CEP128: variants seen among roughly 807,000 people sequenced by gnomAD.
CEP128 encodes the protein centrosomal protein 128kDa.
Under a neutral mutation model 156.7 loss-of-function variants are expected in CEP128, and 132 were observed. The ratio of observed to expected loss-of-function variants is 0.84; its 90% confidence interval spans 0.73 to 0.97. CEP128 has a LOEUF of 0.97. Among genes scored for constraint, CEP128 ranks in the 50% least tolerant of loss-of-function variants. The probability of loss-of-function intolerance (pLI) is 0.00; values close to 1 mark genes in which losing one functional copy is unlikely to be tolerated. For synonymous variants in CEP128, 469 were observed against 448.9 expected, an observed-to-expected ratio of 1.04 and a Z score of -0.57; for missense variants, 1,252 against 1,281.9, an observed-to-expected ratio of 0.98 and a Z score of 0.36.
At chr14:80,782,557 A>G (rs1200654397) in intron 15 of CEP128, among the ~76,000 whole-genome samples, 1 of 152,060 alleles carries the variant, frequency 6.6e-6, no homozygotes, top group East Asian at 1.9e-4. Flanking sequence ...GTCCTATTCT[A>G]CTTCAGAGAG....
At chr14:80,955,336 G>A (rs1594883340) in intron 2 of CEP128, 2 of 465,084 alleles carry the variant, frequency 4.3e-6, no homozygotes, top group East Asian at 7.9e-5. Flanking sequence ...GAACTAATGG[G>A]AGGGGCGCCC....
chr14:80,780,402 AG>A lies in CEP128; in HGVS notation c.2212-2357del, dbSNP rs35262562. Among the ~76,000 whole-genome samples, 402 of 152,258 alleles carry A rather than the reference AG, an allele frequency of 2.6e-3. 3 individuals are homozygous for A. Among genetic ancestry groups the A allele is most frequent in the African/African-American group, 9.1e-3 (379 of 41,540 alleles). ...GGCATGAAGTGGTGATTTTTCCTTAAGGGTAAATTGTTTGGTTTCACAGGAA... is the reference window on the plus strand; with the variant it reads ...GGCATGAAGTGGTGATTTTTCCTTAAGGTAAATTGTTTGGTTTCACAGGAA... On this transcript the variant is annotated intron_variant, in intron 15 of 24. Coordinates refer to ENST00000555265, the MANE Select transcript of CEP128 (RefSeq NM_152446.5).
intron 4 of CEP128, 98 bp from the exon 5 acceptor site, chr14:80,906,179 G>T: frequency 1.1e-6 from 1 of 926,788 alleles, no homozygotes; most frequent in Non-Finnish European, 1.5e-6. Context: ...TGAAATATCT[G>T]GGTTCCCCCC....
chr14:80,825,736 A>G (rs1163169537), intron 13 of CEP128, among the ~76,000 whole-genome samples: 1 of 152,194 alleles, frequency 6.6e-6, no homozygotes, highest in Non-Finnish European at 1.5e-5. Context: ...TCATTTTTTC[A>G]TACAGATGAA....
intron 19 of CEP128, among the ~76,000 whole-genome samples, chr14:80,634,085 T>A (rs1894078520): frequency 1.3e-5 from 2 of 152,158 alleles, no homozygotes; most frequent in East Asian, 3.8e-4. Context: ...TCACTAGGGA[T>A]CCTGCCTGCT....
At chr14:80,562,655 C>CTTTTTTTTTTTTTT (rs1170778718) in intron 20 of CEP128, among the ~76,000 whole-genome samples, 5 of 114,384 alleles carry the variant, frequency 4.4e-5, no homozygotes, top group African/African-American at 1.3e-4. Flanking sequence ...CTTTTCTTTT[C>CTTTTTTTTTTTTTT]TTTTTTTTTT....
At chr14:80,817,803 C>T (rs989321598) in intron 13 of CEP128, among the ~76,000 whole-genome samples, 1 of 151,816 alleles carries the variant, frequency 6.6e-6, no homozygotes, top group Admixed American at 6.6e-5. Context: ...ATCACTTGAA[C>T]CTGGGAGGCG....
intron 14 of CEP128, among the ~76,000 whole-genome samples, chr14:80,791,090 A>C (rs1901682478): frequency 6.6e-6 from 1 of 152,198 alleles, no homozygotes; most frequent in African/African-American, 2.4e-5. Flanking sequence ...ATCCCTTTGA[A>C]ATAATATTCA....
Position 80,526,898 on chromosome 14 carries a change from C to T in CEP128, c.3043G>A (p.Asp1015Asn), listed in dbSNP as rs1888994925. The change falls in exon 23 of 25, where the codon GAC becomes AAC. Residue 1015 changes from aspartate (D) to asparagine (N), a missense_variant. Physicochemically the swap from Asp to Asn is conservative, Grantham distance 23. Coordinates refer to ENST00000555265, the MANE Select transcript of CEP128 (RefSeq NM_152446.5). ...RRNSLQHHQD[D>N]TKYRTKSFKG... ...AAACTTTTGGTTCTGTACTTGGTGTCATCTTGGTGATGCTGAAGAGAATTT... is the reference window on the plus strand; with the variant it reads ...AAACTTTTGGTTCTGTACTTGGTGTTATCTTGGTGATGCTGAAGAGAATTT... The T allele has an allele frequency of 1.9e-6, 3 of 1,608,632 alleles. No homozygotes were observed. Among genetic ancestry groups the T allele is most frequent in the Admixed American group, 3.3e-5 (2 of 59,868 alleles).
chr14:80,531,001 T>C, intron 21 of CEP128, 115 bp from the exon 22 acceptor site: 1 of 491,690 alleles, frequency 2.0e-6, no homozygotes, highest in Non-Finnish European at 3.7e-6. Flanking sequence ...ACTGTAGATT[T>C]AGACAGTCAA....
intron 9 of CEP128, 52 bp from the exon 10 acceptor site, chr14:80,840,820 A>T: frequency 9.3e-7 from 1 of 1,071,346 alleles, no homozygotes; most frequent in Non-Finnish European, 1.4e-6. Flanking sequence ...ACAAAACTGA[A>T]AGTCACTACT....
chr14:80,880,244 A>G (rs1888466496), intron 8 of CEP128, among the ~76,000 whole-genome samples: 1 of 152,156 alleles, frequency 6.6e-6, no homozygotes, highest in Non-Finnish European at 1.5e-5. Context: ...ATCTCAACTG[A>G]TAAGAAAAAA....
intron 21 of CEP128, among the ~76,000 whole-genome samples, chr14:80,548,916 G>A (rs957377608): frequency 2.6e-5 from 4 of 152,160 alleles, no homozygotes; most frequent in Non-Finnish European, 5.9e-5. Context: ...TTTATAGGCT[G>A]AAAGAAACCT....
At chr14:80,662,870 T>C (rs1229535748) in intron 19 of CEP128, among the ~76,000 whole-genome samples, 1 of 152,176 alleles carries the variant, frequency 6.6e-6, no homozygotes, top group Non-Finnish European at 1.5e-5. Context: ...AATACAAGAA[T>C]CATTAAACAA....
At chr14:80,545,353 T>C (rs1488000298) in intron 21 of CEP128, among the ~76,000 whole-genome samples, 2 of 152,164 alleles carry the variant, frequency 1.3e-5, no homozygotes, top group African/African-American at 2.4e-5. Context: ...AAAAGGAAGA[T>C]GAGAGAGCCA....
rs1158038163 is a variant in CEP128 at position 80,608,757 on chromosome 14, A to AC, written c.2807-28335_2807-28334insG. On this transcript the variant is annotated intron_variant, in intron 19 of 24. Transcript: ENST00000555265. ...TTACTTGTCCTTCAGGATCCAGCAA[A>AC]GCTTTCCCACGTGGGGTTAGATACT... Among the ~76,000 whole-genome samples, 8 of 152,150 alleles carry AC rather than the reference A, an allele frequency of 5.3e-5. No individual in the cohort carries two copies. In the East Asian group the frequency reaches 1.3e-3, roughly 26 times the overall value.
chr14:80,909,852 CTT>C (rs748796566), intron 4 of CEP128, among the ~76,000 whole-genome samples: 4 of 152,132 alleles, frequency 2.6e-5, no homozygotes, highest in South Asian at 2.1e-4. Flanking sequence ...GTTTTAAACT[CTT>C]TTGGATTATA....
chr14:80,623,453 G>T (rs973906535), intron 19 of CEP128, among the ~76,000 whole-genome samples: 1 of 151,008 alleles, frequency 6.6e-6, no homozygotes, highest in Admixed American at 6.6e-5. Context: ...AATACTTAAA[G>T]TATAATAATA....
chr14:80,601,051 C>T (rs563383909), intron 19 of CEP128, among the ~76,000 whole-genome samples: 18 of 151,424 alleles, frequency 1.2e-4, no homozygotes, highest in African/African-American at 4.4e-4. Context: ...CTAGGGCAAT[C>T]ATTAAGAAAA....
Sources: gnomAD v4.1 joint callset for allele counts (sites outside exome capture counted in the v4.1 genomes callset) on GRCh38, gnomAD v4.1.1 for gene constraint, MANE v1.5 for transcripts, NCBI Gene and HGNC (gene_info 2026-07-23, HGNC 2026-07-21) for gene names.